Variants in DAB1 observed in about 807,000 individuals in gnomAD.
DAB1 encodes the protein disabled homolog 1.
In DAB1, 15 loss-of-function variants were observed where a neutral mutation model predicts 64.6. The observed-to-expected ratio is 0.23, with a 90% confidence interval of 0.16 to 0.36. The LOEUF (loss-of-function observed/expected upper bound fraction) is 0.36, where lower values mean the gene tolerates loss of function less well. Among genes scored for constraint, DAB1 ranks in the 10% least tolerant of loss-of-function variants. The pLI is 1.00. For missense variants in DAB1, 596 were observed against 706.7 expected, an observed-to-expected ratio of 0.84 and a Z score of 1.78; for synonymous variants, 235 against 251.9, an observed-to-expected ratio of 0.93 and a Z score of 0.64.
chr1:58,331,562 CTT>C lies in DAB1; in HGVS notation n.309+11788_309+11789del, dbSNP rs1662968346. The stretch of plus-strand genomic sequence containing the variant: ...CTGATGCAGCAAACTTCATTGTTGT[CTT>C]GTTTAAAGAAATTGCCACAACCACC... On this transcript the variant is annotated intron_variant and non_coding_transcript_variant, in intron 4 of 20. Transcript: ENST00000485760. Among the ~76,000 whole-genome samples, 4 of 152,270 alleles carry C rather than the reference CTT, an allele frequency of 2.6e-5. No individual in the cohort carries two copies. The South Asian group carries it at 6.2e-4, about 24-fold the overall frequency.
intron 2 of DAB1, among the ~76,000 whole-genome samples, chr1:57,145,786 C>T (rs567990534): frequency 6.6e-6 from 1 of 152,316 alleles, no homozygotes; most frequent in African/African-American, 2.4e-5. Flanking sequence ...TAATCACCCA[C>T]TAAGAGTTCA....
chr1:57,299,148 C>T (rs1231766144), intron 1 of DAB1, among the ~76,000 whole-genome samples: 1 of 152,144 alleles, frequency 6.6e-6, no homozygotes. Flanking sequence ...ATGAACAAGG[C>T]ATATTTTCTT....
In DAB1 at chr1:58,225,267, A is replaced by G. The variant is rs572728318; in HGVS notation, n.310-74679T>C. ...CAAATCAAAACCACAATGAGATACC[A>G]TCTCACACCAGTTAGAATGGCAATC... On this transcript the variant is annotated intron_variant and non_coding_transcript_variant, in intron 4 of 20. Transcript: ENST00000485760. Among the ~76,000 whole-genome samples, 262 of 152,284 alleles carry G rather than the reference A, an allele frequency of 1.7e-3. 2 individuals carry two copies. The highest frequency in any genetic ancestry group is 5.9e-3 in the African/African-American group (245 of 41,552).
chr1:57,281,414 A>G (rs1243849202), intron 2 of DAB1, among the ~76,000 whole-genome samples: 1 of 152,210 alleles, frequency 6.6e-6, no homozygotes, highest in Non-Finnish European at 1.5e-5. Flanking sequence ...ATGTATTCCC[A>G]GGAGAAGAAA....
intron 5 of DAB1, among the ~76,000 whole-genome samples, chr1:58,047,469 A>C (rs1350988471): frequency 6.6e-6 from 1 of 152,188 alleles, no homozygotes; most frequent in Non-Finnish European, 1.5e-5. Flanking sequence ...GGTGAGTGGC[A>C]TCTCACAAAT....
intron 2 of DAB1, among the ~76,000 whole-genome samples, chr1:57,203,638 G>T (rs1195298679): frequency 6.6e-6 from 1 of 152,230 alleles, no homozygotes; most frequent in Non-Finnish European, 1.5e-5. Flanking sequence ...CTGCTTGAAA[G>T]TGGAGAACAG....
intron 5 of DAB1, chr1:58,048,873 CCT>C: frequency 1.1e-6 from 1 of 941,258 alleles, no homozygotes; most frequent in Non-Finnish European, 1.7e-6. Context: ...TTTGCCACTG[CCT>C]CAGTCAGTCA....
At chr1:57,567,747 C>G (rs565031060) in intron 7 of DAB1, among the ~76,000 whole-genome samples, 1 of 152,248 alleles carries the variant, frequency 6.6e-6, no homozygotes, top group Non-Finnish European at 1.5e-5. Context: ...TCAAGGAGAA[C>G]TACAAACCAC....
chr1:57,489,984 T>C (rs529564028), intron 7 of DAB1, among the ~76,000 whole-genome samples: 7 of 152,276 alleles, frequency 4.6e-5, no homozygotes, highest in South Asian at 4.1e-4. Flanking sequence ...GGAGCTCTTA[T>C]GAATGGGATG....
At chr1:58,451,639 A>G (rs1645137464) in intron 3 of DAB1, among the ~76,000 whole-genome samples, 1 of 152,234 alleles carries the variant, frequency 6.6e-6, no homozygotes, top group Admixed American at 6.5e-5. Context: ...AATAAAAAGT[A>G]TATTTTAAAA....
intron 1 of DAB1, among the ~76,000 whole-genome samples, chr1:57,342,995 G>A (rs1677740050): frequency 9.2e-6 from 1 of 109,212 alleles, no homozygotes; most frequent in African/African-American, 3.4e-5. Flanking sequence ...GACCCGAGCG[G>A]GTTGCCACTG....
intron 1 of DAB1, among the ~76,000 whole-genome samples, chr1:57,393,699 A>C (rs1189894981): frequency 3.3e-5 from 5 of 152,088 alleles, no homozygotes; most frequent in Admixed American, 3.3e-4. Flanking sequence ...GGGCCAGAAA[A>C]CTACCACCGG....
intron 7 of DAB1, among the ~76,000 whole-genome samples, chr1:57,522,813 C>A (rs969880444): frequency 6.6e-6 from 1 of 152,186 alleles, no homozygotes; most frequent in South Asian, 2.1e-4. Context: ...TAGAATAAAG[C>A]AGGCAGAAGA....
intron 7 of DAB1, among the ~76,000 whole-genome samples, chr1:57,465,362 CTTTG>C (rs920341245): frequency 1.3e-5 from 2 of 152,164 alleles, no homozygotes; most frequent in African/African-American, 2.4e-5. Flanking sequence ...AGGGCAAAAA[CTTTG>C]TTTGATTTTC....
intron 3 of DAB1, among the ~76,000 whole-genome samples, chr1:58,496,151 T>C (rs1011929846): frequency 1.3e-5 from 2 of 152,104 alleles, no homozygotes. Context: ...CTTTTCAATA[T>C]TCTTTCATTT....
intron 2 of DAB1, among the ~76,000 whole-genome samples, chr1:58,520,123 G>A (rs1238050422): frequency 6.6e-6 from 1 of 152,096 alleles, no homozygotes; most frequent in Admixed American, 6.6e-5. Flanking sequence ...GGGAGCAAGG[G>A]TTGAAAAACC....
intron 1 of DAB1, among the ~76,000 whole-genome samples, chr1:57,843,388 C>A (rs1456338765): frequency 6.6e-6 from 1 of 152,142 alleles, no homozygotes; most frequent in Non-Finnish European, 1.5e-5. Flanking sequence ...TTGGGTGATT[C>A]TGGACAAGTC....
chr1:58,504,677 A>T (rs1240047291), intron 3 of DAB1, among the ~76,000 whole-genome samples: 1 of 152,218 alleles, frequency 6.6e-6, no homozygotes, highest in Non-Finnish European at 1.5e-5. Context: ...AAGTATCAAT[A>T]AATATCGATC....
At chr1:57,914,356 A>G (rs950732312) in intron 5 of DAB1, among the ~76,000 whole-genome samples, 2 of 148,394 alleles carry the variant, frequency 1.3e-5, no homozygotes, top group African/African-American at 5.0e-5. Context: ...AAAAAACCAA[A>G]CACCCCATGT....
Sources: gnomAD v4.1 joint callset for allele counts (sites outside exome capture counted in the v4.1 genomes callset) on GRCh38, gnomAD v4.1.1 for gene constraint, MANE v1.5 for transcripts, NCBI Gene and HGNC (gene_info 2026-07-23, HGNC 2026-07-21) for gene names.